Variants in BCAS4 observed in about 807,000 individuals in gnomAD.
BCAS4 encodes the protein breast carcinoma-amplified sequence 4.
A neutral mutation model predicts 15.7 loss-of-function variants in BCAS4; 9 were observed. That is an observed-to-expected ratio of 0.57 (90% CI 0.34 to 1.00). BCAS4 has a LOEUF of 1.00. Ranked by LOEUF, BCAS4 falls within the 50% of genes least tolerant of loss-of-function variation. BCAS4 has a pLI of 0.02. For missense variants in BCAS4, 225 were observed against 239.1 expected (o/e 0.94, Z 0.39); for synonymous variants, 101 against 99.5 (o/e 1.02, Z -0.09).
At chr20:50,795,724 T>G (rs1252092363) in intron 1 of BCAS4, among the ~76,000 whole-genome samples, 1 of 152,188 alleles carries the variant, frequency 6.6e-6, no homozygotes, top group Non-Finnish European at 1.5e-5. Context: ...TCACTAGGAG[T>G]TATTTACGGT....
intron 3 of BCAS4, chr20:50,840,875 G>T: frequency 1.3e-6 from 1 of 766,836 alleles, no homozygotes; most frequent in Non-Finnish European, 2.3e-6. Context: ...TGTCGCGCAG[G>T]CTGGACTGCA....
At chr20:50,816,835 C>T (rs1278481897) in intron 1 of BCAS4, among the ~76,000 whole-genome samples, 2 of 106,730 alleles carry the variant, frequency 1.9e-5, no homozygotes, top group Admixed American at 1.3e-4. Context: ...GACGGAATCT[C>T]GCTCTGTCGC....
intron 4 of BCAS4, among the ~76,000 whole-genome samples, chr20:50,848,984 A>C (rs1235451344): frequency 6.6e-6 from 1 of 152,222 alleles, no homozygotes; most frequent in African/African-American, 2.4e-5. Context: ...GGTTTCAGGC[A>C]TGTGCGGAAG....
chr20:50,848,031 T>G (rs1028346444), intron 4 of BCAS4, among the ~76,000 whole-genome samples: 4 of 151,538 alleles, frequency 2.6e-5, no homozygotes, highest in African/African-American at 9.7e-5. Flanking sequence ...AGAGCAAGAC[T>G]CTGTCTCAAA....
chr20:50,854,279 C>T (rs1465809322), intron 4 of BCAS4, among the ~76,000 whole-genome samples: 2 of 152,142 alleles, frequency 1.3e-5, no homozygotes, highest in Admixed American at 6.5e-5. Flanking sequence ...GGCAGTTCTC[C>T]AGCCTCATGG....
At chr20:50,862,638 A>G (rs1382590408) in intron 4 of BCAS4, among the ~76,000 whole-genome samples, 1 of 152,060 alleles carries the variant, frequency 6.6e-6, no homozygotes. Flanking sequence ...GAGGCCTGGA[A>G]TGGGGGAGAA....
At chr20:50,835,263 T>TG (rs34579172) in intron 3 of BCAS4, among the ~76,000 whole-genome samples, 2 of 148,326 alleles carry the variant, frequency 1.3e-5, no homozygotes, top group East Asian at 3.9e-4. Flanking sequence ...TTTTTTTTTT[T>TG]GAGATGGAGT....
downstream of BCAS4, chr20:50,877,269 G>A (rs933831473): frequency 6.6e-6 from 1 of 152,266 alleles, no homozygotes; most frequent in Non-Finnish European, 1.5e-5. Context: ...CCTCACCTGC[G>A]AGGGCCTGAT....
In BCAS4 at chr20:50,800,046, C is replaced by A. The variant is rs8124055; in HGVS notation, c.90+4873C>A. On this transcript the variant is annotated intron_variant, in intron 1 of 4. Coordinates refer to ENST00000371608, the MANE Select transcript of BCAS4 (RefSeq NM_198799.4). Reference sequence around the variant, plus strand: ...CTGGGCGACAGAGTGAGACCTATCTCAAAAAACAAAACAAAATGAAACCGT... The same window carrying A: ...CTGGGCGACAGAGTGAGACCTATCTAAAAAAACAAAACAAAATGAAACCGT... Among the ~76,000 whole-genome samples the A allele has an allele frequency of 3.8e-3, 573 of 152,090 alleles. 2 individuals are homozygous for A. The highest frequency in any genetic ancestry group is 0.012 in the African/African-American group (514 of 41,490).
chr20:50,825,923 A>G (rs929242136), intron 2 of BCAS4, among the ~76,000 whole-genome samples: 1 of 152,112 alleles, frequency 6.6e-6, no homozygotes, highest in East Asian at 1.9e-4. Context: ...AATAAGGGGG[A>G]AAAAAAGAGA....
intron 4 of BCAS4, among the ~76,000 whole-genome samples, chr20:50,852,731 A>G (rs1030512791): frequency 6.6e-6 from 1 of 152,226 alleles, no homozygotes; most frequent in Non-Finnish European, 1.5e-5. Context: ...TGTGAAATCA[A>G]CTGATTTTGA....
chr20:50,796,619 C>CA (rs2087868113), intron 1 of BCAS4, among the ~76,000 whole-genome samples: 1 of 145,286 alleles, frequency 6.9e-6, no homozygotes, highest in African/African-American at 2.5e-5. Context: ...CTCAGCCTCC[C>CA]GAGTAGCTGG....
At chr20:50,857,020 A>C (rs750030247) in intron 4 of BCAS4, among the ~76,000 whole-genome samples, 2 of 152,274 alleles carry the variant, frequency 1.3e-5, no homozygotes, top group Non-Finnish European at 2.9e-5. Flanking sequence ...AAAATGCAAC[A>C]TTATAACATT....
chr20:50,864,402 G>A (rs911941589), intron 4 of BCAS4, among the ~76,000 whole-genome samples: 3 of 151,922 alleles, frequency 2.0e-5, no homozygotes, highest in African/African-American at 7.3e-5. Context: ...ATAGAGTAAG[G>A]GGGAGCTGCT....
intron 4 of BCAS4, among the ~76,000 whole-genome samples, chr20:50,862,258 C>G (rs1168399184): frequency 3.3e-5 from 5 of 151,984 alleles, no homozygotes; most frequent in Non-Finnish European, 7.4e-5. Flanking sequence ...GGCACTTGCT[C>G]TCTTTTACGT....
chr20:50,798,608 C>T (rs563548391), intron 1 of BCAS4, among the ~76,000 whole-genome samples: 1 of 152,182 alleles, frequency 6.6e-6, no homozygotes, highest in Non-Finnish European at 1.5e-5. Context: ...GTTCTTTGTC[C>T]TGAGTTTTCA....
At chr20:50,859,825 A>G (rs1226294307) in intron 4 of BCAS4, among the ~76,000 whole-genome samples, 1 of 152,132 alleles carries the variant, frequency 6.6e-6, no homozygotes, top group Non-Finnish European at 1.5e-5. Flanking sequence ...AACATTGTAG[A>G]TTCACATTCG....
chr20:50,839,403 A>G (rs1490065851), intron 3 of BCAS4, among the ~76,000 whole-genome samples: 1 of 152,248 alleles, frequency 6.6e-6, no homozygotes, highest in Non-Finnish European at 1.5e-5. Flanking sequence ...ATTGAATAAA[A>G]CAAGATTTTT....
chr20:50,812,593 C>T (rs1318346035), intron 1 of BCAS4, among the ~76,000 whole-genome samples: 1 of 152,008 alleles, frequency 6.6e-6, no homozygotes, highest in Non-Finnish European at 1.5e-5. Flanking sequence ...GCTTGTGCCA[C>T]TACGTCCAGC....
Sources: gnomAD v4.1 joint callset for allele counts (sites outside exome capture counted in the v4.1 genomes callset) on GRCh38, gnomAD v4.1.1 for gene constraint, MANE v1.5 for transcripts, NCBI Gene and HGNC (gene_info 2026-07-23, HGNC 2026-07-21) for gene names.